Variants in CCDC85C observed in about 807,000 individuals in gnomAD.
CCDC85C encodes coiled-coil domain-containing protein 85C.
A neutral mutation model predicts 38.3 loss-of-function variants in CCDC85C; 18 were observed. The ratio of observed to expected loss-of-function variants is 0.47; its 90% CI spans 0.33 to 0.70. CCDC85C has a LOEUF of 0.70. Ranked by LOEUF, CCDC85C falls within the 30% of genes least tolerant of loss-of-function variation. The probability of loss-of-function intolerance (pLI) is 0.03; values close to 1 mark genes in which losing one functional copy is unlikely to be tolerated. For synonymous variants in CCDC85C, 264 were observed against 293.8 expected (o/e 0.90, Z 1.04); for missense variants, 566 against 621.2 (o/e 0.91, Z 0.94).
chr14:99,530,665 A>G (rs1897474941), intron 2 of CCDC85C, among the ~76,000 whole-genome samples: 1 of 152,232 alleles, frequency 6.6e-6, no homozygotes, highest in Non-Finnish European at 1.5e-5. Flanking sequence ...CAGAGGGCAC[A>G]TGGTCAGCCA....
chr14:99,501,223 T>C lies in CCDC85C; in HGVS notation c.*14023A>G. On this transcript the variant is annotated 3_prime_UTR_variant, in exon 6 of 6. Transcript: ENST00000380243. ...GGATGTGGACCCACATCATTCATCC[T>C]TGTTTCCCACGCAAAAGCTCTTTGC... The C allele has an allele frequency of 1.5e-6, 1 of 669,986 alleles. No individual in the cohort carries two copies. Among genetic ancestry groups the C allele is most frequent in the East Asian group, 2.6e-5 (1 of 37,912 alleles). 41.5% of individuals were successfully genotyped at this position (669,986 alleles called of 1,614,324 possible).
At chr14:99,518,925 T>C (rs1897266610) in intron 3 of CCDC85C, among the ~76,000 whole-genome samples, 1 of 152,034 alleles carries the variant, frequency 6.6e-6, no homozygotes. Context: ...AAAGCCCTAG[T>C]GTTACCTCCA....
At position 99,503,675 on chromosome 14, in the gene CCDC85C, T is replaced by C. The variant is rs543575704; in HGVS notation, c.*11571A>G. On this transcript the variant is annotated 3_prime_UTR_variant, in exon 6 of 6. Transcript: ENST00000380243. ...TTCCTGTTCTGATGTTTTTTTAGTT[T>C]TATGTGTTTATATGCAAAACTTTAA... 7.2e-6 allele frequency: 11 copies of C among 1,531,294 alleles called. No individual in the cohort carries two copies. Among genetic ancestry groups the C allele is most frequent in the Middle Eastern group, 1.8e-4 (1 of 5,508 alleles). The allele number at this position is 1,531,294 out of a possible 1,614,324, so 94.9% of individuals were successfully genotyped here.
intron 1 of CCDC85C, among the ~76,000 whole-genome samples, chr14:99,577,629 TG>T (rs1184403144): frequency 6.6e-6 from 1 of 152,070 alleles, no homozygotes; most frequent in Non-Finnish European, 1.5e-5. Context: ...CGAGTGCATG[TG>T]TGTGTGCATG....
chr14:99,550,676 C>T (rs1284749276), intron 1 of CCDC85C, among the ~76,000 whole-genome samples: 1 of 152,158 alleles, frequency 6.6e-6, no homozygotes, highest in Non-Finnish European at 1.5e-5. Context: ...AGACCAGCTC[C>T]GAAAGCCCTG....
Position 99,503,874 on chromosome 14 carries a change from T to C in CCDC85C, c.*11372A>G. On this transcript the variant is annotated 3_prime_UTR_variant, in exon 6 of 6. Coordinates refer to ENST00000380243, the MANE Select transcript of CCDC85C (RefSeq NM_001144995.2). ...CAGAAAACATTACTGGCAATAAAAA[T>C]GTACTCAGTAACATATATAAAAGTA... The C allele has an allele frequency of 1.8e-6, 1 of 548,564 alleles. No homozygotes were observed. The allele number at this position is 548,564 out of a possible 1,614,324, so 34.0% of individuals were successfully genotyped here.
intron 1 of CCDC85C, among the ~76,000 whole-genome samples, chr14:99,563,504 C>G (rs1022031225): frequency 6.6e-6 from 1 of 152,272 alleles, no homozygotes; most frequent in Non-Finnish European, 1.5e-5. Context: ...ACTGGGCCAT[C>G]TGGGAATAAC....
rs772020352 is a variant in CCDC85C, at chr14:99,510,476, G to A, written c.*4770C>T. 2.5e-5 allele frequency: 29 copies of A among 1,164,232 alleles called. No homozygotes were observed. The highest frequency in any genetic ancestry group is 1.6e-4 in the East Asian group (5 of 31,904). The allele number at this position is 1,164,232 out of a possible 1,614,324, so 72.1% of individuals were successfully genotyped here. On this transcript the variant is annotated 3_prime_UTR_variant, in exon 6 of 6. Coordinates refer to ENST00000380243, the MANE Select transcript of CCDC85C (RefSeq NM_001144995.2). The stretch of plus-strand genomic sequence containing the variant: ...TGCCCTACCACCCCCATGTCTACCC[G>A]CCCAACCCGCCCCCGCCACCTGTGC...
chr14:99,598,243 C>T (rs974573062), intron 1 of CCDC85C, among the ~76,000 whole-genome samples: 1 of 152,244 alleles, frequency 6.6e-6, no homozygotes, highest in Admixed American at 6.5e-5. Context: ...AACAGAGGCC[C>T]ATGGAGGCTC....
At position 99,509,870 on chromosome 14, in the gene CCDC85C, A is replaced by C; in HGVS notation, c.*5376T>G. On this transcript the variant is annotated 3_prime_UTR_variant, in exon 6 of 6. Coordinates refer to ENST00000380243, the MANE Select transcript of CCDC85C (RefSeq NM_001144995.2). The stretch of plus-strand genomic sequence containing the variant: ...AGGAAGAGGGGGCTGGGGCCAGGGC[A>C]CAAGGGGGCTTCGGGTGCTGCCGAG... The C allele has an allele frequency of 4.1e-6, 2 of 491,698 alleles. No homozygotes were observed. The highest frequency in any genetic ancestry group is 7.2e-6 in the Non-Finnish European group (2 of 277,772). The allele number at this position is 491,698 out of a possible 1,614,324, so 30.5% of individuals were successfully genotyped here.
chr14:99,577,131 T>C lies in CCDC85C; in HGVS notation c.793+26036A>G, dbSNP rs550475913. On this transcript the variant is annotated intron_variant, in intron 1 of 5. Coordinates refer to ENST00000380243, the MANE Select transcript of CCDC85C (RefSeq NM_001144995.2). ...AGAAAACAACATCCCTGGGCTCGTC[T>C]CCTCTCTGGTTCCAAGTCGGCATCT... 7.2e-5 allele frequency among the ~76,000 whole-genome samples: 11 copies of C among 151,862 alleles called. No homozygotes were observed. The East Asian group carries it at 2.0e-3, about 27-fold the overall frequency.
At position 99,502,925 on chromosome 14, in the gene CCDC85C, C is replaced by G. The variant is rs200877327; in HGVS notation, c.*12321G>C. On this transcript the variant is annotated 3_prime_UTR_variant, in exon 6 of 6. Transcript: ENST00000380243. ...ACCAGCCCAGCAGCAGCAGCCAGCC[C>G]AACAGCCCAAGAAACCCTCTCCGCA... 8.1e-6 allele frequency: 13 copies of G among 1,613,848 alleles called. No individual in the cohort carries two copies. The East Asian group carries it at 2.9e-4, about 36-fold the overall frequency.
chr14:99,541,544 G>A (rs900158626), intron 1 of CCDC85C, among the ~76,000 whole-genome samples: 1 of 152,228 alleles, frequency 6.6e-6, no homozygotes, highest in Non-Finnish European at 1.5e-5. Context: ...AGAGAAGGGA[G>A]GCAGGGAAGG....
chr14:99,541,733 A>G (rs181575605), intron 1 of CCDC85C, among the ~76,000 whole-genome samples: 3,779 of 152,304 alleles, frequency 0.025, 166 homozygotes, highest in African/African-American at 0.085. Context: ...CCGTGGGCTC[A>G]GAAACAGGAA....
intron 1 of CCDC85C, among the ~76,000 whole-genome samples, chr14:99,561,986 C>T (rs529079862): frequency 3.3e-5 from 5 of 152,166 alleles, no homozygotes; most frequent in African/African-American, 9.7e-5. Context: ...GCTCCCCACG[C>T]GAGGACCTCA....
chr14:99,510,261 G>GCC lies in CCDC85C; in HGVS notation c.*4983_*4984dup. The GCC allele has an allele frequency of 3.7e-6, 5 of 1,354,220 alleles. No homozygotes were observed. The highest frequency in any genetic ancestry group is 1.3e-5 in the South Asian group (1 of 79,092). The allele number at this position is 1,354,220 out of a possible 1,614,324, so 83.9% of individuals were successfully genotyped here. On this transcript the variant is annotated 3_prime_UTR_variant, in exon 6 of 6. Coordinates refer to ENST00000380243, the MANE Select transcript of CCDC85C (RefSeq NM_001144995.2). ...CCAGATTCCCCCTCCGGCCCACCCG[G>GCC]CCCCTGTGCACCAGCCACCGCCGCT... is the stretch of plus-strand genomic sequence containing the variant.
chr14:99,555,132 C>A (rs942371880), intron 1 of CCDC85C, among the ~76,000 whole-genome samples: 3 of 152,234 alleles, frequency 2.0e-5, no homozygotes, highest in Non-Finnish European at 4.4e-5. Flanking sequence ...GGAAGTGAGG[C>A]GGGCGGGACA....
Position 99,572,459 on chromosome 14 carries a change from C to G in CCDC85C, c.793+30708G>C, listed in dbSNP as rs978893266. Among the ~76,000 whole-genome samples, 3 of 151,860 alleles carry G rather than the reference C, an allele frequency of 2.0e-5. No homozygotes were observed. The highest frequency in any genetic ancestry group is 2.0e-4 in the Admixed American group (3 of 15,250). On this transcript the variant is annotated intron_variant, in intron 1 of 5. Transcript: ENST00000380243. The surrounding 1 kb of genome is among the most constrained non-coding windows in gnomAD (Gnocchi z 4.4). Reference sequence around the variant, plus strand: ...TCCACAGGGAAGCCAGAGGGCCTCACAAGTATAAATGATCAGGTATCACAC... The same window carrying G: ...TCCACAGGGAAGCCAGAGGGCCTCAGAAGTATAAATGATCAGGTATCACAC...
At chr14:99,594,312 C>T (rs945482509) in intron 1 of CCDC85C, among the ~76,000 whole-genome samples, 1 of 152,224 alleles carries the variant, frequency 6.6e-6, no homozygotes, top group African/African-American at 2.4e-5. Flanking sequence ...GCACTAAACC[C>T]CTTACTGAGT....
Sources: allele counts gnomAD v4.1 joint callset (sites outside exome capture counted in the v4.1 genomes callset), GRCh38; gene constraint gnomAD v4.1.1; non-coding constraint Gnocchi (gnomAD v3.1); transcripts MANE v1.5; gene names NCBI Gene and HGNC (gene_info 2026-07-23, HGNC 2026-07-21).